Variants in PPP4R3A observed in about 807,000 individuals in gnomAD.
PPP4R3A encodes serine/threonine-protein phosphatase 4 regulatory subunit 3A.
A neutral mutation model predicts 91.7 loss-of-function variants in PPP4R3A; 15 were observed. That is an observed-to-expected ratio of 0.16 (90% CI 0.11 to 0.25). The LOEUF (loss-of-function observed/expected upper bound fraction) is 0.25, where lower values mean the gene tolerates loss of function less well. Among genes scored for constraint, PPP4R3A ranks in the 10% least tolerant of loss-of-function variants. The probability of loss-of-function intolerance (pLI) is 1.00; values close to 1 mark genes in which losing one functional copy is unlikely to be tolerated. For synonymous variants in PPP4R3A, 377 were observed against 348.7 expected, an observed-to-expected ratio of 1.08 and a Z score of -0.91; for missense variants, 623 against 998.4, an observed-to-expected ratio of 0.62 and a Z score of 5.07.
In PPP4R3A at chr14:91,462,191, T is replaced by C; in HGVS notation, c.2022A>G (p.Thr674=). ...ACCACATCTCTTCTTCATCTTCTAG[T>C]GTTCTGGCATCTCTTCGATATCTGT... The part of the protein sequence containing the change: ...RNHRYRRDAR[T]LEDEEEMWFN... Residue 674 remains threonine, a synonymous_variant, in exon 13 of 15, where the codon ACA becomes ACG. Transcript: ENST00000554943. The C allele has an allele frequency of 3.7e-6, 6 of 1,601,784 alleles. No individual in the cohort carries two copies. Among genetic ancestry groups the C allele is most frequent in the South Asian group, 1.1e-5 (1 of 87,934 alleles).
chr14:91,470,077 A>G (rs1034979993), intron 10 of PPP4R3A, among the ~76,000 whole-genome samples: 1 of 152,038 alleles, frequency 6.6e-6, no homozygotes, highest in Non-Finnish European at 1.5e-5. Flanking sequence ...ACTCAAACTT[A>G]CCTTTAAAAA....
chr14:91,467,361 G>GTA (rs1370138562), intron 10 of PPP4R3A, among the ~76,000 whole-genome samples: 2 of 152,194 alleles, frequency 1.3e-5, no homozygotes, highest in Non-Finnish European at 2.9e-5. Flanking sequence ...GATTTTCAAT[G>GTA]TAAAGCACAT....
At chr14:91,463,845 T>G (rs1888311413) in intron 11 of PPP4R3A, among the ~76,000 whole-genome samples, 1 of 152,192 alleles carries the variant, frequency 6.6e-6, no homozygotes. Context: ...GGTGTATAGC[T>G]TATTTCATCA....
intron 3 of PPP4R3A, among the ~76,000 whole-genome samples, chr14:91,482,860 G>A (rs1371946644): frequency 6.6e-6 from 1 of 152,120 alleles, no homozygotes; most frequent in Admixed American, 6.6e-5. Flanking sequence ...CAGAATACAA[G>A]TGTACCTACA....
intron 7 of PPP4R3A, 100 bp from the exon 8 acceptor site, chr14:91,473,470 T>C (rs1888974893): frequency 7.8e-7 from 1 of 1,288,364 alleles, no homozygotes; most frequent in African/African-American, 1.5e-5. Context: ...AGGCTCTAGC[T>C]GTTTTGTTAA....
intron 1 of PPP4R3A, among the ~76,000 whole-genome samples, chr14:91,499,340 A>G (rs993935091): frequency 6.6e-6 from 1 of 152,158 alleles, no homozygotes; most frequent in Non-Finnish European, 1.5e-5. Context: ...AAAAAGTTCG[A>G]GGAATGCTAC....
In PPP4R3A at chr14:91,503,477, T is replaced by TG. The variant is rs543750672; in HGVS notation, c.142+6028dup. 1.8e-4 allele frequency among the ~76,000 whole-genome samples: 28 copies of TG among 152,214 alleles called. No individual in the cohort carries two copies. In the South Asian group the frequency reaches 2.1e-3, roughly 11 times the overall value. On this transcript the variant is annotated intron_variant, in intron 1 of 14. Coordinates refer to ENST00000554943, the MANE Select transcript of PPP4R3A (RefSeq NM_001366432.2). The stretch of plus-strand genomic sequence containing the variant: ...TTTAGAAATTTTTATTTTGTAGAGA[T>TG]GGGGGGTCTCACTTTGTTCCCCAGC...
At chr14:91,480,704 AT>A (rs1314490098) in intron 4 of PPP4R3A, among the ~76,000 whole-genome samples, 1 of 152,148 alleles carries the variant, frequency 6.6e-6, no homozygotes, top group Admixed American at 6.6e-5. Context: ...TCATAGAGTA[AT>A]AACCCCAAAG....
chr14:91,461,447 T>C lies in PPP4R3A; in HGVS notation c.2325A>G (p.Pro775=), dbSNP rs1888150923. 1 of 1,614,146 alleles carries C rather than the reference T, an allele frequency of 6.2e-7. No individual in the cohort carries two copies. The highest frequency in any genetic ancestry group is 1.6e-4 in the Middle Eastern group (1 of 6,062). The change falls in exon 14 of 15, where the codon CCA becomes CCG. Residue 775 remains proline, a synonymous_variant. Transcript: ENST00000554943. The part of the protein sequence containing the change: ...LPGSPGSPGS[P]GSPGSPGSVP... ...CGGATCCAGGAGAGCCTGGAGATCCTGGGGATCCAGGTGATCCCGGAGAAC... is the reference window on the plus strand; with the variant it reads ...CGGATCCAGGAGAGCCTGGAGATCCCGGGGATCCAGGTGATCCCGGAGAAC...
rs768951187 is a variant in PPP4R3A at position 91,482,075 on chromosome 14, C to T, written c.416G>A (p.Arg139His). The T allele has an allele frequency of 1.5e-5, 25 of 1,613,986 alleles. No homozygotes were observed. Among genetic ancestry groups the T allele is most frequent in the East Asian group, 2.2e-5 (1 of 44,868 alleles). ...GLELPSCELS[R>H]LEEIAELVAS... ...CACAAGTTCTGCAATTTCTTCAAGG[C>T]GACTTAATTCACAAGATGGCAATTC... The change falls in exon 4 of 15, where the codon CGC (arginine) becomes CAC (histidine). Residue 139 changes from arginine to histidine, a missense_variant. Physicochemically the swap from Arg to His is conservative, Grantham distance 29. Transcript: ENST00000554943.
intron 1 of PPP4R3A, 53 bp from the exon 2 acceptor site, chr14:91,490,855 T>C: frequency 8.3e-7 from 1 of 1,198,068 alleles, no homozygotes; most frequent in Non-Finnish European, 1.2e-6. Context: ...AGCAAAATTA[T>C]ATTCCCTTAC....
chr14:91,465,224 A>G (rs768055207), intron 11 of PPP4R3A, 26 bp downstream of exon 11: 5 of 1,449,028 alleles, frequency 3.5e-6, no homozygotes, highest in Non-Finnish European at 4.6e-6. Flanking sequence ...TAAAATGAAA[A>G]TTCTAATTAA....
chr14:91,462,299 GATGACTTATT>G, intron 12 of PPP4R3A, 60 bp from the exon 13 acceptor site: 1 of 1,404,852 alleles, frequency 7.1e-7, no homozygotes, highest in Non-Finnish European at 9.3e-7. Context: ...TACTGTTACA[GATGACTTATT>G]AAACTTGTTA....
intron 3 of PPP4R3A, among the ~76,000 whole-genome samples, chr14:91,484,507 T>C (rs1889768320): frequency 6.6e-6 from 1 of 152,232 alleles, no homozygotes; most frequent in Non-Finnish European, 1.5e-5. Context: ...GTGACCTAGC[T>C]GTGACAGAGA....
intron 2 of PPP4R3A, among the ~76,000 whole-genome samples, chr14:91,486,943 A>G (rs1041050882): frequency 1.4e-5 from 2 of 147,188 alleles, no homozygotes; most frequent in African/African-American, 5.0e-5. Context: ...CAAAATATTT[A>G]TAAGGCCTAA....
intron 1 of PPP4R3A, among the ~76,000 whole-genome samples, chr14:91,491,954 T>C (rs1890254380): frequency 6.6e-6 from 1 of 152,100 alleles, no homozygotes; most frequent in African/African-American, 2.4e-5. Flanking sequence ...TCTACCCATC[T>C]TGGCCTCCCA....
At chr14:91,486,819 G>T (rs1023943206) in intron 2 of PPP4R3A, among the ~76,000 whole-genome samples, 2 of 148,892 alleles carry the variant, frequency 1.3e-5, no homozygotes, top group African/African-American at 5.0e-5. Context: ...CAGGAGAACT[G>T]CTTGAACCCA....
chr14:91,460,730 C>T (rs1258990978), intron 14 of PPP4R3A, among the ~76,000 whole-genome samples: 1 of 142,096 alleles, frequency 7.0e-6, no homozygotes, highest in Non-Finnish European at 1.5e-5. Context: ...ATGCCATTCT[C>T]CTGCCTCAGC....
At chr14:91,475,765 A>G (rs1404724223) in intron 7 of PPP4R3A, 46 bp downstream of exon 7, 1 of 1,525,330 alleles carries the variant, frequency 6.6e-7, no homozygotes, top group Non-Finnish European at 9.0e-7. Context: ...AAACAGTTAT[A>G]GCTTCCTATG....
Sources: gnomAD v4.1 joint callset for allele counts (sites outside exome capture counted in the v4.1 genomes callset) on GRCh38, gnomAD v4.1.1 for gene constraint, MANE v1.5 for transcripts, NCBI Gene and HGNC (gene_info 2026-07-23, HGNC 2026-07-21) for gene names.